FHL1: variants seen among roughly 807,000 people sequenced by gnomAD.
FHL1 encodes the protein four and a half LIM domains protein 1.
In FHL1, 1 loss-of-function variant was observed where a neutral mutation model predicts 20.3. The observed-to-expected ratio is 0.05, with a 90% CI of 0.02 to 0.23. The LOEUF (loss-of-function observed/expected upper bound fraction) is 0.23. Among genes scored for constraint, FHL1 ranks in the 10% least tolerant of loss-of-function variants. The probability of loss-of-function intolerance (pLI) is 1.00; values close to 1 mark genes in which losing one functional copy is unlikely to be tolerated. For synonymous variants in FHL1, 82 were observed against 88.9 expected (o/e 0.92, Z 0.44); for missense variants, 177 against 234.0 (o/e 0.76, Z 1.59).
At chrX:136,195,612 A>T (rs1310486512), upstream of FHL1, among the ~76,000 whole-genome samples, 1 of 112,458 alleles carries the variant, frequency 8.9e-6, no homozygotes, top group African/African-American at 3.2e-5. Context: ...GTCATTTTCT[A>T]GCTAACTGGG....
upstream of FHL1, among the ~76,000 whole-genome samples, chrX:136,192,062 A>G (rs1347941219): frequency 1.8e-5 from 2 of 112,658 alleles, no homozygotes; most frequent in African/African-American, 6.4e-5. Flanking sequence ...ACAAAGATTT[A>G]TCCTTACCAG....
In FHL1 at chrX:136,208,574, T is replaced by C. The variant is rs1603272258; in HGVS notation, c.669T>C (p.Tyr223=). ...GTTTCACCGCTGTGGAGGACCAGTATTACTGCGTGGATTGCTACAAGAACT... is the reference window on the plus strand; with the variant it reads ...GTTTCACCGCTGTGGAGGACCAGTACTACTGCGTGGATTGCTACAAGAACT... ...GQRFTAVEDQ[Y]YCVDCYKNFV... Residue 223 remains tyrosine (Y), a synonymous_variant, in exon 5 of 6, where the codon TAT becomes TAC. Transcript: ENST00000370683. The C allele has an allele frequency of 6.6e-6, 8 of 1,211,463 alleles. No individual in the cohort carries two copies. Among genetic ancestry groups the C allele is most frequent in the Non-Finnish European group, 7.8e-6 (7 of 895,304 alleles).
Position 136,211,297 on chromosome X carries a change from G to C in FHL1, c.*1272G>C. On this transcript the variant is annotated 3_prime_UTR_variant, in exon 6 of 6. Coordinates refer to ENST00000370683, the MANE Select transcript of FHL1 (RefSeq NM_001159699.2). Reference sequence around the variant, plus strand: ...GCCTCATTTCTACATTCTGTCATTAGCTATTATCATCTAACGTTTCAGTGT... The same window carrying C: ...GCCTCATTTCTACATTCTGTCATTACCTATTATCATCTAACGTTTCAGTGT... The C allele has an allele frequency of 3.2e-6, 1 of 312,143 alleles. No individual in the cohort carries two copies. The highest frequency in any genetic ancestry group is 6.7e-5 in the East Asian group (1 of 14,829). 25.7% of individuals were successfully genotyped at this position (312,143 alleles called of 1,213,427 possible).
chrX:136,209,322 T>C, intron 5 of FHL1: 1 of 1,211,127 alleles, frequency 8.3e-7, no homozygotes, highest in Non-Finnish European at 1.1e-6. Flanking sequence ...AACGCTTGCC[T>C]CTCACCCTGT....
At chrX:136,188,796 G>A (rs755653283) in intron 2 of FHL1, among the ~76,000 whole-genome samples, 20 of 110,722 alleles carry the variant, frequency 1.8e-4, no homozygotes, top group Admixed American at 2.9e-4. Context: ...GCATATTTTG[G>A]TTCTGCCACC....
Position 136,207,776 on chromosome X carries a change from T to C in FHL1, c.380-16T>C, listed in dbSNP as rs772665517. On this transcript the variant is annotated splice_polypyrimidine_tract_variant and intron_variant, in intron 3 of 5. Transcript: ENST00000370683. Reference sequence around the variant, plus strand: ...AGAGCCTGTCAGTGGGGCTATCCAATTGCTTCCCTCTGCAGGAGATCAAAA... The same window carrying C: ...AGAGCCTGTCAGTGGGGCTATCCAACTGCTTCCCTCTGCAGGAGATCAAAA... 2.6e-5 allele frequency: 31 copies of C among 1,209,011 alleles called. No homozygotes were observed. In the Admixed American group the frequency reaches 6.5e-4, roughly 26 times the overall value.
upstream of FHL1, chrX:136,167,924 T>G (rs773619003): frequency 1.6e-4 from 18 of 112,352 alleles, no homozygotes; most frequent in Middle Eastern, 9.2e-3. Context: ...GACGCTTCAG[T>G]TGGATTGAAT....
At chrX:136,174,825 G>C (rs1008264757) in intron 2 of FHL1, among the ~76,000 whole-genome samples, 1 of 111,713 alleles carries the variant, frequency 9.0e-6, no homozygotes, top group Admixed American at 9.5e-5. Context: ...AGGGATTAGA[G>C]CTTTTAATTT....
intron 2 of FHL1, among the ~76,000 whole-genome samples, chrX:136,175,747 A>T (rs748475939): frequency 8.9e-5 from 10 of 112,450 alleles, no homozygotes; most frequent in Non-Finnish European, 1.9e-4. Flanking sequence ...AAAATTGTAT[A>T]TATGCTGTGA....
intron 1 of FHL1, chrX:136,148,677 T>A (rs2072178893): frequency 9.0e-6 from 1 of 111,598 alleles, no homozygotes; most frequent in Middle Eastern, 4.2e-3. Flanking sequence ...AAGCGACTGT[T>A]GTGTCGTTCG....
rs1199904398 is a variant in FHL1, at chrX:136,210,568, G to A, written c.*543G>A. The A allele has an allele frequency of 1.5e-5, 6 of 388,891 alleles. No homozygotes were observed. Among genetic ancestry groups the A allele is most frequent in the Non-Finnish European group, 2.4e-5 (5 of 207,196 alleles). 32.0% of individuals were successfully genotyped at this position (388,891 alleles called of 1,213,427 possible). On this transcript the variant is annotated 3_prime_UTR_variant, in exon 6 of 6. Transcript: ENST00000370683. Reference sequence around the variant, plus strand: ...TTTTGTGCTTTCAAATAACTAACACGAACTTCCAGAAAATTAACATTTGAA... The same window carrying A: ...TTTTGTGCTTTCAAATAACTAACACAAACTTCCAGAAAATTAACATTTGAA...
chrX:136,186,568 T>C (rs1569529338), intron 2 of FHL1, among the ~76,000 whole-genome samples: 1 of 111,354 alleles, frequency 9.0e-6, no homozygotes, highest in South Asian at 3.8e-4. Flanking sequence ...TTAAAAAATG[T>C]ATATATTTCA....
At chrX:136,186,852 T>TC (rs1355697730) in intron 2 of FHL1, among the ~76,000 whole-genome samples, 1 of 37,192 alleles carries the variant, frequency 2.7e-5, no homozygotes, top group East Asian at 7.4e-4. Flanking sequence ...AGACTCCATC[T>TC]CAAAAAAAAA....
At chrX:136,205,258 T>C (rs995608697) in intron 1 of FHL1, among the ~76,000 whole-genome samples, 1 of 111,507 alleles carries the variant, frequency 9.0e-6, no homozygotes, top group African/African-American at 3.3e-5. Context: ...TGCTTGGGAT[T>C]GCAGGCGTGT....
At chrX:136,206,720 C>A in intron 2 of FHL1, 132 bp downstream of exon 2, 1 of 871,754 alleles carries the variant, frequency 1.1e-6, no homozygotes, top group Non-Finnish European at 1.7e-6. Flanking sequence ...CTCAAGGAAG[C>A]CTCCTCCACT....
intron 1 of FHL1, among the ~76,000 whole-genome samples, chrX:136,163,600 A>G (rs1159510295): frequency 1.8e-5 from 2 of 111,901 alleles, no homozygotes; most frequent in African/African-American, 6.5e-5. Context: ...TGCAGGAAAA[A>G]TGGGCAGGGT....
intron 1 of FHL1, among the ~76,000 whole-genome samples, chrX:136,201,511 C>T (rs1437582494): frequency 8.9e-6 from 1 of 111,782 alleles, no homozygotes; most frequent in Non-Finnish European, 1.9e-5. Flanking sequence ...AGTGCACATG[C>T]TTGAGCCCAA....
At chrX:136,198,822 G>A (rs2073627678) in intron 1 of FHL1, among the ~76,000 whole-genome samples, 1 of 111,716 alleles carries the variant, frequency 9.0e-6, no homozygotes, top group Non-Finnish European at 1.9e-5. Flanking sequence ...CAGGTTTGGG[G>A]TGTGGAGGGG....
At chrX:136,158,340 C>T (rs1057212256) in intron 1 of FHL1, among the ~76,000 whole-genome samples, 2 of 111,887 alleles carry the variant, frequency 1.8e-5, no homozygotes, top group Non-Finnish European at 3.8e-5. Flanking sequence ...TTTGTCCCTT[C>T]GTTTGTCACC....
Sources: allele counts gnomAD v4.1 joint callset (sites outside exome capture counted in the v4.1 genomes callset), GRCh38; gene constraint gnomAD v4.1.1; transcripts MANE v1.5; gene names NCBI Gene and HGNC (gene_info 2026-07-23, HGNC 2026-07-21).